Variants in ANO2 observed in about 807,000 individuals in gnomAD.
ANO2 encodes anoctamin-2.
Under a neutral mutation model 124.2 loss-of-function variants are expected in ANO2, and 101 were observed. That is an observed-to-expected ratio of 0.81 (90% confidence interval 0.69 to 0.96). The LOEUF is 0.96. Ranked by LOEUF, ANO2 falls within the 40% of genes least tolerant of loss-of-function variation. ANO2 has a pLI of 0.00. For synonymous variants in ANO2, 486 were observed against 482.5 expected, an observed-to-expected ratio of 1.01 and a Z score of -0.09; for missense variants, 1,293 against 1,274.5, an observed-to-expected ratio of 1.01 and a Z score of -0.22.
intron 4 of ANO2, among the ~76,000 whole-genome samples, chr12:5,843,007 G>T (rs1203775966): frequency 1.7e-4 from 26 of 152,074 alleles, no homozygotes; most frequent in Admixed American, 1.7e-3. Flanking sequence ...GCCCATAAAG[G>T]TATTAAATAT....
At chr12:5,739,700 C>T (rs73048247) in intron 12 of ANO2, among the ~76,000 whole-genome samples, 16 of 151,818 alleles carry the variant, frequency 1.1e-4, no homozygotes, top group Non-Finnish European at 2.2e-4. Context: ...GTAAGGATGG[C>T]GGGATGAAGA....
chr12:5,574,486 C>T (rs193050584), intron 23 of ANO2, among the ~76,000 whole-genome samples: 1 of 152,148 alleles, frequency 6.6e-6, no homozygotes, highest in Non-Finnish European at 1.5e-5. Context: ...ATTAGACTCT[C>T]TCAGCATATT....
intron 16 of ANO2, among the ~76,000 whole-genome samples, chr12:5,617,299 C>T (rs1944866582): frequency 6.6e-6 from 1 of 152,114 alleles, no homozygotes; most frequent in Admixed American, 6.5e-5. Context: ...TCGTACCACA[C>T]TCTCCAGATA....
Position 5,908,548 on chromosome 12 carries a change from T to C in ANO2, c.534+12492A>G, listed in dbSNP as rs1214541300. ...GTAGCCGAGACTCCCAACCCAGTGA[T>C]GCTCAAGGAATGGTAAACACATTCT... On this transcript the variant is annotated intron_variant, in intron 3 of 24. Coordinates refer to ENST00000682330, the MANE Select transcript of ANO2 (RefSeq NM_001364791.2). This position sits in a 1 kb window ranked among gnomAD's most constrained non-coding sequence, Gnocchi z 4.7. Among the ~76,000 whole-genome samples, 7 of 152,286 alleles carry C rather than the reference T, an allele frequency of 4.6e-5. No homozygotes were observed. The East Asian group carries it at 1.4e-3, about 29-fold the overall frequency.
At chr12:5,714,634 T>C (rs1340407732) in intron 14 of ANO2, among the ~76,000 whole-genome samples, 1 of 152,202 alleles carries the variant, frequency 6.6e-6, no homozygotes, top group Non-Finnish European at 1.5e-5. Flanking sequence ...CTCCTCTTTC[T>C]CCTCCTATTC....
intron 11 of ANO2, among the ~76,000 whole-genome samples, chr12:5,746,440 C>T (rs917418617): frequency 3.3e-5 from 5 of 152,014 alleles, no homozygotes; most frequent in African/African-American, 1.2e-4. Flanking sequence ...AGAATGACAT[C>T]GAAATGACTT....
At chr12:5,922,335 G>A (rs1345634540) in intron 2 of ANO2, among the ~76,000 whole-genome samples, 1 of 152,226 alleles carries the variant, frequency 6.6e-6, no homozygotes, top group Non-Finnish European at 1.5e-5. Flanking sequence ...GAAGACAGTT[G>A]CTCAGGCTTG....
chr12:5,892,653 G>C (rs930778817), intron 3 of ANO2, among the ~76,000 whole-genome samples: 1 of 152,148 alleles, frequency 6.6e-6, no homozygotes, highest in African/African-American at 2.4e-5. Context: ...TTAAAGAAAA[G>C]AATTGTCAAT....
chr12:5,684,212 C>T (rs1948614089), intron 14 of ANO2, among the ~76,000 whole-genome samples: 1 of 152,216 alleles, frequency 6.6e-6, no homozygotes, highest in African/African-American at 2.4e-5. Context: ...GCAGCCCCAC[C>T]AGAAATGCCA....
intron 23 of ANO2, among the ~76,000 whole-genome samples, chr12:5,575,293 C>G (rs1942333809): frequency 1.3e-5 from 2 of 152,168 alleles, no homozygotes; most frequent in Admixed American, 1.3e-4. Context: ...TCTTTGTCTG[C>G]TCCATAGTGT....
intron 3 of ANO2, among the ~76,000 whole-genome samples, chr12:5,899,534 T>C (rs1268701329): frequency 6.6e-6 from 1 of 152,172 alleles, no homozygotes; most frequent in East Asian, 1.9e-4. Context: ...TAACAACAAT[T>C]GCTACTTCAC....
intron 20 of ANO2, among the ~76,000 whole-genome samples, chr12:5,591,057 A>G (rs1943372316): frequency 6.6e-6 from 1 of 152,158 alleles, no homozygotes; most frequent in African/African-American, 2.4e-5. Flanking sequence ...GGGAATGCCT[A>G]TAATCACAAC....
chr12:5,740,628 T>G (rs1591552362), intron 12 of ANO2, among the ~76,000 whole-genome samples: 2 of 152,222 alleles, frequency 1.3e-5, no homozygotes, highest in East Asian at 3.9e-4. Context: ...GCTGTGGGCC[T>G]GCGAAGAGAA....
chr12:5,853,166 A>AT (rs55663635), intron 4 of ANO2, among the ~76,000 whole-genome samples: 38,661 of 139,856 alleles, frequency 0.28, 6,353 homozygotes, highest in African/African-American at 0.44. Flanking sequence ...CCCTGGGTAG[A>AT]TTTTTTTTTT....
At chr12:5,590,520 G>A (rs1054438960) in intron 20 of ANO2, among the ~76,000 whole-genome samples, 13 of 152,206 alleles carry the variant, frequency 8.5e-5, no homozygotes, top group African/African-American at 2.2e-4. Flanking sequence ...ATGTTTCCCC[G>A]AAATGGATTC....
intron 23 of ANO2, among the ~76,000 whole-genome samples, chr12:5,568,673 C>T (rs920495587): frequency 5.9e-5 from 9 of 152,288 alleles, no homozygotes; most frequent in Non-Finnish European, 1.2e-4. Flanking sequence ...GAAGTGTTCA[C>T]CAAAGAGAGT....
At chr12:5,898,436 AATAGTC>A (rs1223056099) in intron 3 of ANO2, among the ~76,000 whole-genome samples, 1 of 152,246 alleles carries the variant, frequency 6.6e-6, no homozygotes, top group African/African-American at 2.4e-5. Context: ...CCTGTAAAAG[AATAGTC>A]ATAGCAATAC....
At chr12:5,890,567 T>C (rs570399323) in intron 3 of ANO2, among the ~76,000 whole-genome samples, 19 of 152,318 alleles carry the variant, frequency 1.2e-4, no homozygotes, top group African/African-American at 4.1e-4. Context: ...AACTTAGAGA[T>C]TGAAAAAGAT....
chr12:5,640,375 G>T (rs1189819922), intron 15 of ANO2, among the ~76,000 whole-genome samples: 2 of 152,156 alleles, frequency 1.3e-5, no homozygotes, highest in Admixed American at 1.3e-4. Flanking sequence ...TTCATCTCAT[G>T]CTCCACACCT....
Sources: allele counts gnomAD v4.1 joint callset (sites outside exome capture counted in the v4.1 genomes callset), GRCh38; gene constraint gnomAD v4.1.1; non-coding constraint Gnocchi (gnomAD v3.1); transcripts MANE v1.5; gene names NCBI Gene and HGNC (gene_info 2026-07-23, HGNC 2026-07-21).